The following RALYL variants were observed in gnomAD, a reference collection of about 807,000 sequenced individuals.
RALYL encodes RNA-binding Raly-like protein.
Under a neutral mutation model 35.1 loss-of-function variants are expected in RALYL, and 29 were observed. The observed-to-expected ratio is 0.83, with a 90% CI of 0.61 to 1.13. The LOEUF is 1.13. Ranked by LOEUF, RALYL falls within the 50% of genes most tolerant of loss-of-function variation. The pLI is 0.00. For synonymous variants in RALYL, 120 were observed against 127.6 expected (o/e 0.94, Z 0.40); for missense variants, 359 against 360.4 (o/e 1.00, Z 0.03).
chr8:84,851,999 T>C (rs1422663930), intron 5 of RALYL, among the ~76,000 whole-genome samples: 1 of 152,202 alleles, frequency 6.6e-6, no homozygotes, highest in East Asian at 1.9e-4. Context: ...ACCTCACACA[T>C]AGTGGATACT....
chr8:84,552,406 A>G (rs544137993), intron 2 of RALYL, among the ~76,000 whole-genome samples: 2 of 127,160 alleles, frequency 1.6e-5, no homozygotes, highest in South Asian at 5.1e-4. Flanking sequence ...AGAGACAGCA[A>G]AGGTAGCTCT....
At chr8:84,780,869 G>A (rs922352137) in intron 3 of RALYL, among the ~76,000 whole-genome samples, 2 of 152,046 alleles carry the variant, frequency 1.3e-5, no homozygotes, top group African/African-American at 4.8e-5. Context: ...TTGTTTGTTT[G>A]TTTTTTAAGA....
At chr8:84,700,007 C>A (rs1839913014) in intron 2 of RALYL, among the ~76,000 whole-genome samples, 1 of 152,036 alleles carries the variant, frequency 6.6e-6, no homozygotes, top group African/African-American at 2.4e-5. Flanking sequence ...AATACTTGAA[C>A]CCATCCAAAG....
intron 1 of RALYL, among the ~76,000 whole-genome samples, chr8:84,430,505 A>T (rs2047028703): frequency 6.6e-6 from 1 of 152,156 alleles, no homozygotes; most frequent in African/African-American, 2.4e-5. Context: ...GACTACAAAA[A>T]ACATCTATTC....
chr8:84,807,593 T>C (rs749109110), intron 4 of RALYL, among the ~76,000 whole-genome samples: 2 of 152,210 alleles, frequency 1.3e-5, no homozygotes, highest in Non-Finnish European at 2.9e-5. Flanking sequence ...ATCTTTACAC[T>C]GTTTTCTATA....
chr8:84,369,602 G>A (rs1855262805), intron 1 of RALYL, among the ~76,000 whole-genome samples: 1 of 151,924 alleles, frequency 6.6e-6, no homozygotes, highest in Non-Finnish European at 1.5e-5. Flanking sequence ...TTAATCATTG[G>A]CTTTACTTTT....
At chr8:84,717,057 C>T (rs751034850) in intron 2 of RALYL, among the ~76,000 whole-genome samples, 3 of 152,096 alleles carry the variant, frequency 2.0e-5, no homozygotes, top group Non-Finnish European at 4.4e-5. Flanking sequence ...CATGATGGCA[C>T]ACACCTGTAA....
chr8:84,254,268 T>C, intron 1 of RALYL, among the ~76,000 whole-genome samples: 1 of 152,300 alleles, frequency 6.6e-6, no homozygotes, highest in South Asian at 2.1e-4. Context: ...TTTTTTGCTT[T>C]AAAGATATAA....
At chr8:84,907,310 TCAC>T (rs1357864819) in intron 8 of RALYL, among the ~76,000 whole-genome samples, 1,643 of 148,132 alleles carry the variant, frequency 0.011, 17 homozygotes, top group East Asian at 0.045. Context: ...AGATATAGCG[TCAC>T]ACACACACAC....
At chr8:84,864,740 G>T in intron 6 of RALYL, 1 of 582,712 alleles carries the variant, frequency 1.7e-6, no homozygotes, top group Non-Finnish European at 3.3e-6. Context: ...GAGCTTGGCA[G>T]GCCTGGTTTA....
rs1383196333 is a variant in RALYL at position 84,237,049 on chromosome 8, C to T, written c.-24+52625C>T. On this transcript the variant is annotated intron_variant, in intron 1 of 8. Transcript: ENST00000521268. ...TCCAAATATCCTACAGAAAAATCAA[C>T]AAGGAGAGTAAATAAAACTCTTTTC... Among the ~76,000 whole-genome samples, 8 of 152,116 alleles carry T rather than the reference C, an allele frequency of 5.3e-5. No homozygotes were observed. In the South Asian group the frequency reaches 1.0e-3, roughly 20 times the overall value.
At chr8:84,360,907 GTGAATCAGGCCCAAAA>G (rs1319171496) in intron 1 of RALYL, among the ~76,000 whole-genome samples, 1 of 150,490 alleles carries the variant, frequency 6.6e-6, no homozygotes, top group Non-Finnish European at 1.5e-5. Context: ...TTTTCTAGCA[GTGAATCAGGCCCAAAA>G]TATTACCTTA....
chr8:84,506,816 C>A lies in RALYL; in HGVS notation c.-23-22483C>A, dbSNP rs180944685. Among the ~76,000 whole-genome samples, 181 of 151,792 alleles carry A rather than the reference C, an allele frequency of 1.2e-3. No individual in the cohort carries two copies. In the East Asian group the frequency reaches 0.033, roughly 28 times the overall value. The stretch of plus-strand genomic sequence containing the variant: ...GTTGAAATATTATTTTTTTGATTGA[C>A]CCCTTTAAGCCTAAGCAACTGTGCA... On this transcript the variant is annotated intron_variant, in intron 1 of 8. Coordinates refer to ENST00000521268, the MANE Select transcript of RALYL (RefSeq NM_173848.7).
intron 1 of RALYL, among the ~76,000 whole-genome samples, chr8:84,389,415 T>G (rs1191979830): frequency 1.3e-5 from 2 of 152,042 alleles, no homozygotes; most frequent in Non-Finnish European, 2.9e-5. Flanking sequence ...TGGCATTAAA[T>G]CTATAAATTA....
chr8:84,327,714 CTCA>C (rs1846073217), intron 1 of RALYL, among the ~76,000 whole-genome samples: 1 of 151,368 alleles, frequency 6.6e-6, no homozygotes, highest in Non-Finnish European at 1.5e-5. Context: ...CCTCATCTGT[CTCA>C]TCAATTGTTC....
chr8:84,425,145 C>T (rs1319612934), intron 1 of RALYL, among the ~76,000 whole-genome samples: 2 of 152,212 alleles, frequency 1.3e-5, no homozygotes, highest in Non-Finnish European at 2.9e-5. Flanking sequence ...GCCCCTCCCC[C>T]AGCCTCGCTG....
intron 1 of RALYL, among the ~76,000 whole-genome samples, chr8:84,298,408 C>T (rs1840170139): frequency 6.6e-6 from 1 of 151,702 alleles, no homozygotes; most frequent in African/African-American, 2.4e-5. Flanking sequence ...TGTATTTGTG[C>T]CATTGTCTAT....
At chr8:84,379,233 T>C (rs1857480353) in intron 1 of RALYL, among the ~76,000 whole-genome samples, 1 of 151,954 alleles carries the variant, frequency 6.6e-6, no homozygotes, top group Admixed American at 6.6e-5. Flanking sequence ...AATCTTCCAA[T>C]GGATTGGTTC....
At chr8:84,798,391 TA>T (rs1453814290) in intron 3 of RALYL, among the ~76,000 whole-genome samples, 2 of 152,198 alleles carry the variant, frequency 1.3e-5, no homozygotes, top group African/African-American at 4.8e-5. Context: ...ACTATTTATT[TA>T]AGTTATTTAG....
Sources: allele counts gnomAD v4.1 joint callset (sites outside exome capture counted in the v4.1 genomes callset), GRCh38; gene constraint gnomAD v4.1.1; transcripts MANE v1.5; gene names NCBI Gene and HGNC (gene_info 2026-07-23, HGNC 2026-07-21).